The following NKIRAS1 variants were observed in gnomAD, a reference collection of about 807,000 sequenced individuals.
The protein encoded by NKIRAS1 is NFKB inhibitor interacting Ras like 1.
NKIRAS1 carries 16 observed loss-of-function variants against 19.8 expected under a neutral mutation model. The observed-to-expected ratio is 0.81, with a 90% CI of 0.55 to 1.23. NKIRAS1 has a LOEUF of 1.23. Ranked by LOEUF, NKIRAS1 falls within the 50% of genes most tolerant of loss-of-function variation. NKIRAS1 has a pLI of 0.00. For missense variants in NKIRAS1, 184 were observed against 220.0 expected (o/e 0.84, Z 1.04); for synonymous variants, 88 against 79.0 (o/e 1.11, Z -0.61).
chr3:23,918,975 A>AG, upstream of NKIRAS1: 1 of 587,774 alleles, frequency 1.7e-6, no homozygotes, highest in Non-Finnish European at 3.0e-6. Flanking sequence ...GGAATGGAGT[A>AG]TTAAGAGGGA....
At chr3:23,924,895 AAAT>A (rs1471507205) in intron 1 of NKIRAS1, among the ~76,000 whole-genome samples, 1 of 152,222 alleles carries the variant, frequency 6.6e-6, no homozygotes, top group African/African-American at 2.4e-5. Context: ...CAGTGGCTTA[AAAT>A]AATAAAGATT....
upstream of NKIRAS1, chr3:23,918,555 A>G: frequency 5.0e-6 from 8 of 1,614,048 alleles, no homozygotes; most frequent in Non-Finnish European, 6.8e-6. Flanking sequence ...AGTTTGCTCG[A>G]AGCCTTCAGT....
In NKIRAS1 at chr3:23,893,286, C is replaced by T. The variant is rs761296639; in HGVS notation, c.388G>A (p.Val130Met). The part of the protein sequence containing the change: ...NKIDLSEQRQ[V>M]DAEVAQQWAK... The stretch of plus-strand genomic sequence containing the variant: ...CACTGCTGTGCCACTTCAGCGTCCA[C>T]TTGTCTCTGCTCAGAAAGGTCGATT... The change falls in exon 5 of 5, where the codon GTG (valine) becomes ATG (methionine). Residue 130 changes from valine to methionine, a missense_variant. Physicochemically the swap from Val to Met is conservative, Grantham distance 21 (BLOSUM62 1). Transcript: ENST00000425478. 2.5e-6 allele frequency: 4 copies of T among 1,613,940 alleles called. No individual in the cohort carries two copies. The South Asian group carries it at 3.3e-5, about 13-fold the overall frequency.
chr3:23,897,841 A>G (rs1702129503), intron 4 of NKIRAS1, among the ~76,000 whole-genome samples: 1 of 152,242 alleles, frequency 6.6e-6, no homozygotes, highest in Non-Finnish European at 1.5e-5. Context: ...CTCCCAAAAT[A>G]GAAGCTTTAT....
chr3:23,918,308 T>G (rs1263133256), upstream of NKIRAS1: 1 of 1,125,894 alleles, frequency 8.9e-7, no homozygotes, highest in South Asian at 1.6e-5. Context: ...TGGGATGTGT[T>G]TTATTTTTTT....
In NKIRAS1 at chr3:23,893,090, G is replaced by A. The variant is rs1204649660; in HGVS notation, c.*5C>T. The A allele has an allele frequency of 7.1e-6, 11 of 1,542,124 alleles. No homozygotes were observed. The East Asian group carries it at 1.4e-4, about 19-fold the overall frequency. On this transcript the variant is annotated 3_prime_UTR_variant, in exon 5 of 5. Coordinates refer to ENST00000425478, the MANE Select transcript of NKIRAS1 (RefSeq NM_020345.4). ...TCAACATACAATTGTGGAAATTACT[G>A]ATTTTTAGTTCTCAGAATTAGAGTT...
chr3:23,893,188 AGT>A lies in NKIRAS1; in HGVS notation c.484_485del (p.Thr162PhefsTer5). 6.2e-7 allele frequency: 1 copy of A among 1,613,850 alleles called. No individual in the cohort carries two copies. The highest frequency in any genetic ancestry group is 8.5e-7 in the Non-Finnish European group (1 of 1,179,928). On this transcript the variant is annotated frameshift_variant, in exon 5 of 5. Coordinates refer to ENST00000425478, the MANE Select transcript of NKIRAS1 (RefSeq NM_020345.4). LOFTEE classifies it high-confidence loss of function. ...GTTGAGAAAGTTTACTGGCTAATAA[AGT>A]GAATGGTTCAATCAGAGTTTTCCGA... ...TDRKTLIEPF[T>X]LLASKLSQPQ...
chr3:23,920,300 T>C (rs1052323478), upstream of NKIRAS1: 28 of 985,726 alleles, frequency 2.8e-5, no homozygotes, highest in Non-Finnish European at 3.3e-5. Flanking sequence ...ACGTCATTCT[T>C]AGTCCAGTCA....
chr3:23,940,263 C>T (rs141773166), intron 1 of NKIRAS1, among the ~76,000 whole-genome samples: 3 of 151,300 alleles, frequency 2.0e-5, no homozygotes, highest in Admixed American at 1.3e-4. Context: ...GGGAGCATCT[C>T]GAGCCCATGA....
upstream of NKIRAS1, among the ~76,000 whole-genome samples, chr3:23,921,439 T>C (rs952491985): frequency 3.3e-5 from 5 of 152,234 alleles, no homozygotes; most frequent in African/African-American, 1.2e-4. Flanking sequence ...AATGCCTTTA[T>C]GATGGGAAAG....
At chr3:23,899,979 C>T (rs891050076) in intron 4 of NKIRAS1, among the ~76,000 whole-genome samples, 15 of 151,938 alleles carry the variant, frequency 9.9e-5, no homozygotes, top group Admixed American at 8.5e-4. Flanking sequence ...CTGGCTAACA[C>T]GGTGAAACCC....
chr3:23,914,858 T>A (rs537135797), intron 1 of NKIRAS1, among the ~76,000 whole-genome samples: 2 of 152,236 alleles, frequency 1.3e-5, no homozygotes, highest in Non-Finnish European at 2.9e-5. Context: ...TTAAATTTTA[T>A]TTTTACTGCT....
At chr3:23,913,435 T>C (rs1703983071) in intron 1 of NKIRAS1, among the ~76,000 whole-genome samples, 1 of 152,240 alleles carries the variant, frequency 6.6e-6, no homozygotes, top group African/African-American at 2.4e-5. Context: ...TCTAGGTTCC[T>C]GGTTGCCTTC....
chr3:23,890,934 T>C lies in NKIRAS1; in HGVS notation c.*2161A>G, dbSNP rs1008701724. The C allele has an allele frequency of 1.0e-4, 18 of 178,142 alleles. No individual in the cohort carries two copies. The highest frequency in any genetic ancestry group is 3.8e-4 in the African/African-American group (16 of 42,550). 11.0% of individuals were successfully genotyped at this position (178,142 alleles called of 1,614,324 possible). A position where few individuals can be genotyped will look rare whatever the true frequency, so the allele number is the denominator to read the frequency against. On this transcript the variant is annotated 3_prime_UTR_variant, in exon 5 of 5. Transcript: ENST00000425478. ...CTTAATTTGGTACAGGTTACACATA[T>C]GGCCATTTATGTAAAGTCCCTCTAA...
intron 4 of NKIRAS1, 59 bp from the exon 5 acceptor site, chr3:23,893,396 C>T: frequency 5.4e-6 from 8 of 1,473,040 alleles, no homozygotes; most frequent in Non-Finnish European, 6.4e-6. Context: ...AGTTCCTGGG[C>T]AAAATGGAGA....
chr3:23,900,296 C>T (rs1028914245), intron 4 of NKIRAS1, among the ~76,000 whole-genome samples: 1 of 152,148 alleles, frequency 6.6e-6, no homozygotes, highest in Non-Finnish European at 1.5e-5. Context: ...AAGTCAAATT[C>T]TGGTCCTAAC....
At chr3:23,920,137 C>T, upstream of NKIRAS1, 1 of 985,722 alleles carries the variant, frequency 1.0e-6, no homozygotes, top group Non-Finnish European at 1.2e-6. Flanking sequence ...GCAATGAATG[C>T]TAGGGTGGGA....
chr3:23,925,873 T>C (rs1482971021), intron 1 of NKIRAS1, among the ~76,000 whole-genome samples: 2 of 152,218 alleles, frequency 1.3e-5, no homozygotes, highest in Non-Finnish European at 1.5e-5. Context: ...TGATAGCCAC[T>C]AGCCATCTGT....
At chr3:23,894,126 C>T (rs1701733971) in intron 4 of NKIRAS1, among the ~76,000 whole-genome samples, 1 of 152,106 alleles carries the variant, frequency 6.6e-6, no homozygotes, top group Non-Finnish European at 1.5e-5. Flanking sequence ...AAAGTATGTG[C>T]CAATAGGAAC....
Sources: gnomAD v4.1 joint callset for allele counts (sites outside exome capture counted in the v4.1 genomes callset) on GRCh38, gnomAD v4.1.1 for gene constraint, MANE v1.5 for transcripts, NCBI Gene and HGNC (gene_info 2026-07-23, HGNC 2026-07-21) for gene names.